TBCE: variants seen among roughly 807,000 people sequenced by gnomAD.
The protein encoded by TBCE is tubulin-specific chaperone E.
In TBCE, 53 loss-of-function variants were observed where a neutral mutation model predicts 77.0. The ratio of observed to expected loss-of-function variants is 0.69; its 90% CI spans 0.55 to 0.87. The LOEUF (loss-of-function observed/expected upper bound fraction) is 0.87. TBCE is among the 40% of genes least tolerant of loss of function. The pLI is 0.00. For missense variants in TBCE, 624 were observed against 622.4 expected (o/e 1.00, Z -0.03); for synonymous variants, 235 against 241.3 (o/e 0.97, Z 0.24).
chr1:235,403,257 A>G (rs1679232070), intron 3 of TBCE, among the ~76,000 whole-genome samples: 1 of 152,044 alleles, frequency 6.6e-6, no homozygotes, highest in Non-Finnish European at 1.5e-5. Context: ...CCAAGGCTGG[A>G]GTGCAGTGGC....
rs1052914645 is a variant in TBCE at position 235,396,951 on chromosome 1, ATTGT to A, written c.101-4549_101-4546del. 5.5e-5 allele frequency among the ~76,000 whole-genome samples: 7 copies of A among 128,400 alleles called. No individual in the cohort carries two copies. The East Asian group carries it at 1.1e-3, about 20-fold the overall frequency. The allele number at this position is 128,400 out of a possible 152,430, so 84.2% of individuals were successfully genotyped here. On this transcript the variant is annotated intron_variant, in intron 2 of 16. Transcript: ENST00000642610. ...TGTGAGTTGTCTCTTCACTTTGTTG[ATTGT>A]TTATTTATTTATTTATTTATTTATT...
intron 1 of TBCE, among the ~76,000 whole-genome samples, chr1:235,370,890 C>T (rs1391361821): frequency 2.0e-5 from 3 of 149,346 alleles, no homozygotes; most frequent in African/African-American, 7.4e-5. Context: ...TACAGGCGCA[C>T]GCCACCACGC....
intron 2 of TBCE, among the ~76,000 whole-genome samples, chr1:235,397,240 C>T (rs1198619504): frequency 2.8e-5 from 4 of 142,680 alleles, no homozygotes; most frequent in Non-Finnish European, 6.0e-5. Context: ...CTTGCTCTGT[C>T]GCCCAGGCTG....
rs576358882 is a variant in TBCE at position 235,372,018 on chromosome 1, G to A, written c.-32+4514G>A. On this transcript the variant is annotated intron_variant, in intron 1 of 16. Coordinates refer to ENST00000642610, the MANE Select transcript of TBCE (RefSeq NM_003193.5). ...TTTTTGTACAATAGGGTCTCCCTCT[G>A]TTGCCCAGGCTGGAGTACAGTGGTG... is the stretch of plus-strand genomic sequence containing the variant. Among the ~76,000 whole-genome samples the A allele has an allele frequency of 7.3e-5, 11 of 151,338 alleles. No individual in the cohort carries two copies. The East Asian group carries it at 2.0e-3, about 27-fold the overall frequency.
intron 4 of TBCE, among the ~76,000 whole-genome samples, chr1:235,417,506 A>G (rs2131923): frequency 0.66 from 100,697 of 152,076 alleles, 33,719 homozygotes; most frequent in African/African-American, 0.76. Flanking sequence ...TGGAAATGGA[A>G]TTGGTGGCGT....
At chr1:235,445,884 G>A (rs1481910840) in intron 15 of TBCE, among the ~76,000 whole-genome samples, 2 of 152,190 alleles carry the variant, frequency 1.3e-5, no homozygotes, top group South Asian at 2.1e-4. Context: ...AGCTCTGGTG[G>A]AACCACACAG....
chr1:235,372,686 A>G (rs1677042225), intron 1 of TBCE, among the ~76,000 whole-genome samples: 1 of 151,912 alleles, frequency 6.6e-6, no homozygotes, highest in Non-Finnish European at 1.5e-5. Flanking sequence ...GCACTTTGGG[A>G]GGCCGAGGCG....
chr1:235,375,421 G>C lies in TBCE; in HGVS notation c.-31-4598G>C, dbSNP rs1016836201. 3.1e-4 allele frequency among the ~76,000 whole-genome samples: 47 copies of C among 152,048 alleles called. 1 individual carries two copies. Among genetic ancestry groups the C allele is most frequent in the Non-Finnish European group, 1.2e-4 (8 of 68,042 alleles). On this transcript the variant is annotated intron_variant, in intron 1 of 16. Transcript: ENST00000642610. The stretch of plus-strand genomic sequence containing the variant: ...GTGATTAGGAGAGGGCCCAGTGCAG[G>C]CCATTACAGAGAACTTAACTAGGCA...
chr1:235,376,888 C>T (rs1428505828), intron 1 of TBCE, among the ~76,000 whole-genome samples: 2 of 151,998 alleles, frequency 1.3e-5, no homozygotes, highest in Non-Finnish European at 2.9e-5. Flanking sequence ...GCGGAAGAAT[C>T]GCTTGAACCC....
At chr1:235,399,983 G>A (rs1678993268) in intron 2 of TBCE, among the ~76,000 whole-genome samples, 1 of 152,116 alleles carries the variant, frequency 6.6e-6, no homozygotes, top group Admixed American at 6.6e-5. Context: ...GGAAAGACAT[G>A]GTTTGGAGAG....
At chr1:235,427,379 T>G (rs757982592) in intron 6 of TBCE, 140 bp downstream of exon 6, 1 of 715,210 alleles carries the variant, frequency 1.4e-6, no homozygotes, top group Non-Finnish European at 2.5e-6. Flanking sequence ...AAGAAGGAAT[T>G]ACTCAGGCTG....
intron 4 of TBCE, among the ~76,000 whole-genome samples, chr1:235,418,219 T>C (rs958410711): frequency 1.3e-5 from 2 of 152,222 alleles, no homozygotes; most frequent in African/African-American, 4.8e-5. Context: ...TGTGCCACGT[T>C]TTGTTTATCC....
At chr1:235,428,448 C>T (rs1441956603) in intron 6 of TBCE, among the ~76,000 whole-genome samples, 1 of 151,880 alleles carries the variant, frequency 6.6e-6, no homozygotes, top group Non-Finnish European at 1.5e-5. Context: ...CCTTTTAAAC[C>T]TCTGCTCCTA....
chr1:235,448,750 A>C lies in TBCE; in HGVS notation c.1572A>C (p.Leu524Phe). 6.2e-7 allele frequency: 1 copy of C among 1,612,576 alleles called. No homozygotes were observed. The highest frequency in any genetic ancestry group is 8.5e-7 in the Non-Finnish European group (1 of 1,178,688). The stretch of plus-strand genomic sequence containing the variant: ...CTGTGGAAAATGGAGATTGTCTATT[A>C]GTGCGATGGTGACAACCAACTAATA... ...FYSVENGDCL[L>F]VRW Residue 524 changes from leucine (L) to phenylalanine (F), a missense_variant, in exon 17 of 17, where the codon TTA becomes TTC. Leu to Phe is a conservative substitution (Grantham distance 22). Transcript: ENST00000642610.
chr1:235,401,385 T>G, intron 2 of TBCE, 118 bp from the exon 3 acceptor site: 1 of 815,690 alleles, frequency 1.2e-6, no homozygotes, highest in Non-Finnish European at 2.1e-6. Context: ...CATTCCCTCC[T>G]CCCCAAGTGG....
intron 5 of TBCE, among the ~76,000 whole-genome samples, chr1:235,425,429 A>G (rs991537265): frequency 5.9e-5 from 9 of 151,606 alleles, no homozygotes; most frequent in Non-Finnish European, 1.3e-4. Context: ...GCCCTCCTTT[A>G]TTTCCCTGCA....
chr1:235,413,647 A>G (rs1472029977), intron 3 of TBCE, among the ~76,000 whole-genome samples: 3 of 149,100 alleles, frequency 2.0e-5, no homozygotes, highest in Non-Finnish European at 4.4e-5. Context: ...TGGGCAATAG[A>G]GTGAGATTCT....
intron 1 of TBCE, among the ~76,000 whole-genome samples, chr1:235,368,412 G>C (rs1676694482): frequency 6.8e-6 from 1 of 146,444 alleles, no homozygotes. Flanking sequence ...CATTAATTTA[G>C]CCACGGCCGC....
chr1:235,410,018 A>G (rs890299724), intron 3 of TBCE, among the ~76,000 whole-genome samples: 3 of 148,652 alleles, frequency 2.0e-5, no homozygotes, highest in African/African-American at 5.0e-5. Context: ...TGACAGAGTG[A>G]GACTCTGTCT....
Sources: allele counts gnomAD v4.1 joint callset (sites outside exome capture counted in the v4.1 genomes callset), GRCh38; gene constraint gnomAD v4.1.1; transcripts MANE v1.5; gene names NCBI Gene and HGNC (gene_info 2026-07-23, HGNC 2026-07-21).